Variants in SRSF12 observed in about 807,000 individuals in gnomAD.
SRSF12 encodes the protein serine/arginine-rich splicing factor 12.
SRSF12 carries 21 observed loss-of-function variants against 34.1 expected under a neutral mutation model. The observed-to-expected ratio is 0.62, with a 90% CI of 0.44 to 0.89. The LOEUF (loss-of-function observed/expected upper bound fraction) is 0.89, where lower values mean the gene tolerates loss of function less well. Ranked by LOEUF, SRSF12 falls within the 40% of genes least tolerant of loss-of-function variation. The pLI is 0.00. For synonymous variants in SRSF12, 111 were observed against 110.8 expected (o/e 1.00, Z -0.01); for missense variants, 278 against 327.8 (o/e 0.85, Z 1.17).
intron 4 of SRSF12, among the ~76,000 whole-genome samples, chr6:89,099,977 T>C (rs1032268354): frequency 1.3e-5 from 2 of 152,062 alleles, no homozygotes; most frequent in Admixed American, 6.6e-5. Flanking sequence ...AATGACAGCA[T>C]GGAGGAGTTG....
rs1769387490 is a variant in SRSF12, at chr6:89,117,831, G to A, written c.57C>T (p.Asp19=). Residue 19 remains aspartate, a synonymous_variant, in exon 1 of 5, where the codon GAC becomes GAT. Coordinates refer to ENST00000452027, the MANE Select transcript of SRSF12 (RefSeq NM_080743.5). ...NTSLFIRNVA[D]ATRPEDLRRE... is the part of the protein sequence containing the mutation. Reference sequence around the variant, plus strand: ...CAGCCGCGGCCGTTCACCTGGTGGCGTCCGCGACGTTCCTGATGAACAGGG... The same window carrying A: ...CAGCCGCGGCCGTTCACCTGGTGGCATCCGCGACGTTCCTGATGAACAGGG... 5 of 1,557,384 alleles carry A rather than the reference G, an allele frequency of 3.2e-6. No individual in the cohort carries two copies. In the African/African-American group the frequency reaches 4.3e-5, roughly 13 times the overall value.
rs1187357382 is a variant in SRSF12, at chr6:89,099,411, T to C, written c.417-464A>G. ...CTCTCTCTCTCTCTCTCCATATATATATACATATATATATGTGTGTATATA... is the reference window on the plus strand; with the variant it reads ...CTCTCTCTCTCTCTCTCCATATATACATACATATATATATGTGTGTATATA... On this transcript the variant is annotated intron_variant, in intron 4 of 4. Coordinates refer to ENST00000452027, the MANE Select transcript of SRSF12 (RefSeq NM_080743.5). Among the ~76,000 whole-genome samples the C allele has an allele frequency of 3.6e-5, 3 of 82,776 alleles. No individual in the cohort carries two copies. In the East Asian group the frequency reaches 8.9e-4, roughly 25 times the overall value. The allele number at this position is 82,776 out of a possible 152,430, so 54.3% of individuals were successfully genotyped here. A position where few individuals can be genotyped will look rare whatever the true frequency, so the allele number is the denominator to read the frequency against.
intron 1 of SRSF12, among the ~76,000 whole-genome samples, chr6:89,110,379 T>G (rs989118608): frequency 6.6e-6 from 1 of 152,232 alleles, no homozygotes; most frequent in Non-Finnish European, 1.5e-5. Flanking sequence ...AAATACCCTC[T>G]AAGGTTTCCC....
chr6:89,102,069 T>C (rs1028177262), intron 4 of SRSF12, among the ~76,000 whole-genome samples: 3 of 151,976 alleles, frequency 2.0e-5, no homozygotes, highest in East Asian at 3.9e-4. Flanking sequence ...GATAGTAACA[T>C]TGAACTAGAT....
intron 4 of SRSF12, among the ~76,000 whole-genome samples, chr6:89,103,359 C>T (rs551078107): frequency 5.0e-4 from 75 of 149,986 alleles, no homozygotes; most frequent in Non-Finnish European, 2.2e-4. Context: ...GACAGAGTCT[C>T]GCTTTGTCAC....
intron 4 of SRSF12, among the ~76,000 whole-genome samples, chr6:89,103,376 T>C (rs141827283): frequency 0.062 from 9,494 of 151,940 alleles, 867 homozygotes; most frequent in African/African-American, 0.2. Context: ...TCACCCAGGC[T>C]GGAGAGCAGT....
intron 1 of SRSF12, among the ~76,000 whole-genome samples, chr6:89,115,493 G>C (rs952059299): frequency 6.6e-6 from 1 of 151,654 alleles, no homozygotes; most frequent in Admixed American, 6.6e-5. Context: ...GGTAGGCCAG[G>C]TTGGTCTCGA....
chr6:89,111,363 T>G (rs1253536077), intron 1 of SRSF12, among the ~76,000 whole-genome samples: 1 of 152,260 alleles, frequency 6.6e-6, no homozygotes, highest in African/African-American at 2.4e-5. Context: ...GCAAAGGTTC[T>G]GCACATTTTT....
intron 1 of SRSF12, 32 bp from the exon 2 acceptor site, chr6:89,107,290 A>G: frequency 6.5e-7 from 1 of 1,542,278 alleles, no homozygotes. Flanking sequence ...GCAAAGAAAT[A>G]TGAATAGCTG....
At chr6:89,102,740 A>G (rs775747673) in intron 4 of SRSF12, among the ~76,000 whole-genome samples, 25 of 150,532 alleles carry the variant, frequency 1.7e-4, no homozygotes, top group Non-Finnish European at 2.2e-4. Flanking sequence ...CTTTTTTTAC[A>G]TTTTAATAAT....
At chr6:89,106,904 C>T in intron 2 of SRSF12, 1 of 523,134 alleles carries the variant, frequency 1.9e-6, no homozygotes, top group Non-Finnish European at 3.7e-6. Context: ...TCCCTCTTTA[C>T]TCCTTGATGC....
intron 1 of SRSF12, among the ~76,000 whole-genome samples, chr6:89,117,133 T>G (rs1358849665): frequency 6.6e-6 from 1 of 151,968 alleles, no homozygotes; most frequent in Non-Finnish European, 1.5e-5. Context: ...TAGACAAAAT[T>G]CTCAACGGAG....
intron 1 of SRSF12, among the ~76,000 whole-genome samples, chr6:89,116,672 T>A (rs145110658): frequency 6.6e-6 from 1 of 151,394 alleles, no homozygotes; most frequent in African/African-American, 2.4e-5. Context: ...CTACTTTGGA[T>A]GCTGAGGCAG....
intron 4 of SRSF12, among the ~76,000 whole-genome samples, chr6:89,101,109 C>CAAAAAAAAAA (rs764910655): frequency 1.8e-5 from 1 of 54,640 alleles, no homozygotes; most frequent in East Asian, 5.7e-4. Context: ...ACCTCCAAGA[C>CAAAAAAAAAA]AAAAAAAAAA....
chr6:89,109,574 TAA>T (rs1224209930), intron 1 of SRSF12, among the ~76,000 whole-genome samples: 1 of 151,986 alleles, frequency 6.6e-6, no homozygotes, highest in East Asian at 1.9e-4. Flanking sequence ...ATAGATAATA[TAA>T]AAGAGGAGGC....
Position 89,097,032 on chromosome 6 carries a change from A to C in SRSF12, c.*1546T>G, listed in dbSNP as rs1405022102. The C allele has an allele frequency of 6.6e-6, 1 of 152,214 alleles. No homozygotes were observed. The highest frequency in any genetic ancestry group is 1.9e-4 in the East Asian group (1 of 5,204). 9.4% of individuals were successfully genotyped at this position (152,214 alleles called of 1,614,324 possible). A position where few individuals can be genotyped will look rare whatever the true frequency, so the allele number is the denominator to read the frequency against. ...CTATTCAGAAAGTACAATATACATT[A>C]ATTTATGGCACTTGTCCAAATATTA... On this transcript the variant is annotated 3_prime_UTR_variant, in exon 5 of 5. Transcript: ENST00000452027.
intron 1 of SRSF12, among the ~76,000 whole-genome samples, chr6:89,117,515 G>T (rs1450020741): frequency 1.3e-5 from 2 of 152,312 alleles, no homozygotes; most frequent in East Asian, 1.9e-4. Flanking sequence ...ACCTGAGCTC[G>T]GGAGAGGGGC....
intron 1 of SRSF12, among the ~76,000 whole-genome samples, chr6:89,112,141 G>A (rs999902308): frequency 6.6e-5 from 10 of 151,980 alleles, no homozygotes; most frequent in African/African-American, 2.4e-4. Flanking sequence ...CCGAGTAGCT[G>A]GGATCCTCAG....
chr6:89,114,735 TG>T (rs1769212249), intron 1 of SRSF12, among the ~76,000 whole-genome samples: 1 of 152,248 alleles, frequency 6.6e-6, no homozygotes, highest in Non-Finnish European at 1.5e-5. Context: ...TTATTTGGCC[TG>T]CATGACGTTT....
Sources: gnomAD v4.1 joint callset for allele counts (sites outside exome capture counted in the v4.1 genomes callset) on GRCh38, gnomAD v4.1.1 for gene constraint, MANE v1.5 for transcripts, NCBI Gene and HGNC (gene_info 2026-07-23, HGNC 2026-07-21) for gene names.